Variants in DISP1 observed in about 807,000 individuals in gnomAD.
DISP1 encodes the protein dispatched RND transporter family member 1.
In DISP1, 30 loss-of-function variants were observed where a neutral mutation model predicts 37.3. That is an observed-to-expected ratio of 0.80 (90% CI 0.60 to 1.09). The LOEUF (loss-of-function observed/expected upper bound fraction) is 1.09. Among genes scored for constraint, DISP1 ranks in the 50% least tolerant of loss-of-function variants. DISP1 has a pLI of 0.00. For missense variants in DISP1, 1,598 were observed against 1,879.5 expected, an observed-to-expected ratio of 0.85 and a Z score of 2.77; for synonymous variants, 634 against 690.2, an observed-to-expected ratio of 0.92 and a Z score of 1.28.
At chr1:222,864,899 A>G (rs1220432242) in intron 1 of DISP1, among the ~76,000 whole-genome samples, 4 of 152,154 alleles carry the variant, frequency 2.6e-5, no homozygotes, top group South Asian at 2.1e-4. Context: ...CCCAAATTAT[A>G]TTATTAACTC....
intron 3 of DISP1, among the ~76,000 whole-genome samples, chr1:222,969,703 A>C (rs962641190): frequency 8.5e-5 from 13 of 152,074 alleles, no homozygotes; most frequent in Admixed American, 7.2e-4. Context: ...TAGTGTGATC[A>C]TAATTTTGTT....
intron 1 of DISP1, among the ~76,000 whole-genome samples, chr1:222,927,809 A>G (rs1388355132): frequency 1.3e-5 from 2 of 152,232 alleles, no homozygotes; most frequent in East Asian, 1.9e-4. Flanking sequence ...CATGAGGGCC[A>G]TATGTTTATA....
At chr1:222,870,094 C>G (rs989972821) in intron 1 of DISP1, among the ~76,000 whole-genome samples, 4 of 152,190 alleles carry the variant, frequency 2.6e-5, no homozygotes, top group African/African-American at 9.7e-5. Context: ...CCAGCTTCAT[C>G]CATGTCCCTA....
intron 4 of DISP1, among the ~76,000 whole-genome samples, chr1:222,984,416 A>AT (rs1425623627): frequency 0.033 from 2,095 of 63,202 alleles, 67 homozygotes; most frequent in Admixed American, 0.05. Flanking sequence ...AAAAAAAAAA[A>AT]AAAAAATATA....
chr1:222,878,422 T>G (rs1670090700), intron 1 of DISP1, among the ~76,000 whole-genome samples: 1 of 152,218 alleles, frequency 6.6e-6, no homozygotes. Flanking sequence ...GAAAGTGAAC[T>G]TAGTAATATT....
At chr1:222,966,995 G>T (rs1299749092) in intron 3 of DISP1, among the ~76,000 whole-genome samples, 2 of 152,048 alleles carry the variant, frequency 1.3e-5, no homozygotes, top group Admixed American at 1.3e-4. Flanking sequence ...GCAGTTGGAG[G>T]AAAAGGGAGA....
intron 1 of DISP1, among the ~76,000 whole-genome samples, chr1:222,898,489 C>T (rs889998499): frequency 6.6e-6 from 1 of 150,646 alleles, no homozygotes; most frequent in Non-Finnish European, 1.5e-5. Flanking sequence ...TTCATTCATT[C>T]AGGAATATAT....
At chr1:222,932,996 C>A (rs572580383) in intron 2 of DISP1, among the ~76,000 whole-genome samples, 1 of 151,986 alleles carries the variant, frequency 6.6e-6, no homozygotes, top group African/African-American at 2.4e-5. Context: ...GGATGTAAAA[C>A]AAAATGAGAA....
At position 223,002,902 on chromosome 1, in the gene DISP1, T is replaced by C; in HGVS notation, c.1505T>C (p.Met502Thr). The change falls in exon 9 of 9, where the codon ATG (methionine) becomes ACG (threonine). Residue 502 changes from methionine to threonine, a missense_variant. Coordinates refer to ENST00000675850, the MANE Select transcript of DISP1 (RefSeq NM_001377229.1). ...KHSLFQDYLL[M>T]DTVYPAIAIV... ...AGTTTGTTTCAGGATTATCTTCTAA[T>C]GGATACTGTGTATCCTGCCATAGCC... is the stretch of plus-strand genomic sequence containing the variant. 1 of 1,614,024 alleles carries C rather than the reference T, an allele frequency of 6.2e-7. No homozygotes were observed. The highest frequency in any genetic ancestry group is 1.7e-5 in the Admixed American group (1 of 60,030).
At chr1:222,990,786 C>T in intron 5 of DISP1, 38 bp downstream of exon 5, 1 of 1,612,092 alleles carries the variant, frequency 6.2e-7, no homozygotes, top group Non-Finnish European at 8.5e-7. Flanking sequence ...CTAAAATCAT[C>T]TCCAAATATT....
At chr1:222,917,623 A>T (rs1011438226) in intron 1 of DISP1, among the ~76,000 whole-genome samples, 1 of 152,052 alleles carries the variant, frequency 6.6e-6, no homozygotes, top group East Asian at 1.9e-4. Flanking sequence ...ATTCGAGAGA[A>T]TTTTTTGCAC....
chr1:222,949,136 G>C (rs367612017), intron 3 of DISP1, among the ~76,000 whole-genome samples: 1 of 152,136 alleles, frequency 6.6e-6, no homozygotes, highest in African/African-American at 2.4e-5. Flanking sequence ...GCTTGAGCTT[G>C]TAATCCCAGA....
At chr1:222,991,449 C>T in intron 5 of DISP1, 71 bp from the exon 6 acceptor site, 1 of 1,596,958 alleles carries the variant, frequency 6.3e-7, no homozygotes, top group Non-Finnish European at 8.6e-7. Flanking sequence ...CATTGCTTTC[C>T]CAAGCTTTTA....
intron 3 of DISP1, among the ~76,000 whole-genome samples, chr1:222,977,059 C>G (rs576214462): frequency 6.6e-6 from 1 of 152,212 alleles, no homozygotes. Flanking sequence ...GACGGAGTTT[C>G]GCTCTTATTG....
At chr1:222,851,681 C>T (rs766073336) in intron 1 of DISP1, among the ~76,000 whole-genome samples, 19 of 151,880 alleles carry the variant, frequency 1.3e-4, no homozygotes, top group Admixed American at 2.6e-4. Context: ...GTTTTTAAAA[C>T]TTTTTTTGCA....
intron 3 of DISP1, among the ~76,000 whole-genome samples, chr1:222,946,595 G>T (rs1177874061): frequency 6.6e-5 from 10 of 152,158 alleles, no homozygotes. Flanking sequence ...AGGCACCGAG[G>T]ATATAATTCC....
chr1:222,845,280 G>A (rs929141933), intron 1 of DISP1, among the ~76,000 whole-genome samples: 1 of 152,044 alleles, frequency 6.6e-6, no homozygotes, highest in South Asian at 2.1e-4. Context: ...ATTCAAAATC[G>A]ATTCTTCATC....
intron 1 of DISP1, among the ~76,000 whole-genome samples, chr1:222,853,757 G>C (rs767220330): frequency 3.9e-5 from 6 of 152,136 alleles, no homozygotes; most frequent in Non-Finnish European, 8.8e-5. Flanking sequence ...GGAAAGGGAG[G>C]GATAGGGAGA....
chr1:222,821,221 A>G (rs1444993426), intron 1 of DISP1, among the ~76,000 whole-genome samples: 2 of 152,196 alleles, frequency 1.3e-5, no homozygotes, highest in African/African-American at 2.4e-5. Context: ...ATTAATTCAG[A>G]TGGGGTTGGG....
Sources: gnomAD v4.1 joint callset for allele counts (sites outside exome capture counted in the v4.1 genomes callset) on GRCh38, gnomAD v4.1.1 for gene constraint, MANE v1.5 for transcripts, NCBI Gene and HGNC (gene_info 2026-07-23, HGNC 2026-07-21) for gene names.